OR4D10: variants seen among roughly 807,000 people sequenced by gnomAD.
OR4D10 encodes the protein olfactory receptor family 4 subfamily D member 10.
For missense variants in OR4D10, 395 were observed against 378.0 expected (o/e 1.04, Z -0.37); for synonymous variants, 188 against 153.2 (o/e 1.23, Z -1.68).
Position 59,477,845 on chromosome 11 carries a change from A to C in OR4D10, c.416A>C (p.Asp139Ala). Residue 139 changes from aspartate to alanine, a missense_variant, in exon 3 of 3, where the codon GAC becomes GCC. Asp to Ala is a moderately radical substitution (Grantham distance 126). Transcript: ENST00000530162. ...PLHYATIMSRDHCIGLTVAAW... is the reference protein window; with the variant it reads ...PLHYATIMSRAHCIGLTVAAW... Reference sequence around the variant, plus strand: ...CACTATGCGACTATCATGAGTAGAGACCATTGCATTGGGCTCACAGTGGCT... The same window carrying C: ...CACTATGCGACTATCATGAGTAGAGCCCATTGCATTGGGCTCACAGTGGCT... 3 of 1,613,924 alleles carry C rather than the reference A, an allele frequency of 1.9e-6. No homozygotes were observed. The highest frequency in any genetic ancestry group is 2.5e-6 in the Non-Finnish European group (3 of 1,179,992).
At chr11:59,475,421 T>G (rs558137520) in intron 2 of OR4D10, among the ~76,000 whole-genome samples, 1 of 152,118 alleles carries the variant, frequency 6.6e-6, no homozygotes, top group Non-Finnish European at 1.5e-5. Context: ...TGGAAATTCA[T>G]CTAAATTGAG....
chr11:59,474,316 G>A lies in OR4D10; in HGVS notation c.-169+523G>A, dbSNP rs189959003. 1.3e-4 allele frequency among the ~76,000 whole-genome samples: 20 copies of A among 152,174 alleles called. No homozygotes were observed. In the South Asian group the frequency reaches 1.9e-3, roughly 14 times the overall value. On this transcript the variant is annotated intron_variant, in intron 2 of 2. Coordinates refer to ENST00000530162, the MANE Select transcript of OR4D10 (RefSeq NM_001004705.2). Reference sequence around the variant, plus strand: ...CCAACCAAATCTTCTCTTACAACACGTCTCACTTTTTATCGTGTATCATCT... The same window carrying A: ...CCAACCAAATCTTCTCTTACAACACATCTCACTTTTTATCGTGTATCATCT...
Position 59,477,263 on chromosome 11 carries a change from C to A in OR4D10, c.-167C>A. 2.0e-6 allele frequency: 1 copy of A among 497,574 alleles called. No homozygotes were observed. The highest frequency in any genetic ancestry group is 1.9e-5 in the African/African-American group (1 of 51,656). 30.8% of individuals were successfully genotyped at this position (497,574 alleles called of 1,614,324 possible). On this transcript the variant is annotated splice_region_variant and 5_prime_UTR_variant, in exon 3 of 3. Coordinates refer to ENST00000530162, the MANE Select transcript of OR4D10 (RefSeq NM_001004705.2). ...ATGATAATTTGATTTTATCACCAGACTAACTGAAATCTGAAAAACGTGAAC... is the reference window on the plus strand; with the variant it reads ...ATGATAATTTGATTTTATCACCAGAATAACTGAAATCTGAAAAACGTGAAC...
Position 59,478,534 on chromosome 11 carries a change from A to T in OR4D10, c.*169A>T, listed in dbSNP as rs1858936784. On this transcript the variant is annotated 3_prime_UTR_variant, in exon 3 of 3. Coordinates refer to ENST00000530162, the MANE Select transcript of OR4D10 (RefSeq NM_001004705.2). ...CTGATAAGCTTCTGGTCAGGGAGAGATTCACACCTTCTAATTGAAAATAAA... is the reference window on the plus strand; with the variant it reads ...CTGATAAGCTTCTGGTCAGGGAGAGTTTCACACCTTCTAATTGAAAATAAA... 4.3e-6 allele frequency: 2 copies of T among 470,036 alleles called. No individual in the cohort carries two copies. Among genetic ancestry groups the T allele is most frequent in the South Asian group, 5.8e-5 (1 of 17,096 alleles). The allele number at this position is 470,036 out of a possible 1,614,324, so 29.1% of individuals were successfully genotyped here.
rs565578710 is a variant in OR4D10 at position 59,477,805 on chromosome 11, A to G, written c.376A>G (p.Ile126Val). Residue 126 changes from isoleucine (I) to valine (V), a missense_variant, in exon 3 of 3, where the codon ATC (isoleucine) becomes GTC (valine). By Grantham distance (29) the Ile-to-Val change is conservative. Coordinates refer to ENST00000530162, the MANE Select transcript of OR4D10 (RefSeq NM_001004705.2). ...SVMALDRYVA[I>V]SKPLHYATIM... ...GATGGCATTGGATCGATATGTGGCCATCTCCAAGCCCCTGCACTATGCGAC... is the reference window on the plus strand; with the variant it reads ...GATGGCATTGGATCGATATGTGGCCGTCTCCAAGCCCCTGCACTATGCGAC... The G allele has an allele frequency of 1.1e-5, 17 of 1,614,070 alleles. No individual in the cohort carries two copies. In the South Asian group the frequency reaches 1.8e-4, roughly 17 times the overall value.
At chr11:59,474,256 CAG>C (rs1317846869) in intron 2 of OR4D10, among the ~76,000 whole-genome samples, 1 of 152,130 alleles carries the variant, frequency 6.6e-6, no homozygotes, top group African/African-American at 2.4e-5. Flanking sequence ...TTGTTACTGA[CAG>C]AAATGATCAT....
intron 2 of OR4D10, among the ~76,000 whole-genome samples, chr11:59,474,045 A>G (rs999286988): frequency 6.6e-6 from 1 of 152,204 alleles, no homozygotes; most frequent in Non-Finnish European, 1.5e-5. Flanking sequence ...GAACTTGGGG[A>G]AAAAATGAAA....
Position 59,477,868 on chromosome 11 carries a change from G to T in OR4D10, c.439G>T (p.Ala147Ser). 6.2e-7 allele frequency: 1 copy of T among 1,614,078 alleles called. No individual in the cohort carries two copies. Among genetic ancestry groups the T allele is most frequent in the Non-Finnish European group, 8.5e-7 (1 of 1,180,012 alleles). The change falls in exon 3 of 3, where the codon GCT becomes TCT. Residue 147 changes from alanine to serine, a missense_variant. By Grantham distance (99) the Ala-to-Ser change is moderately conservative. Coordinates refer to ENST00000530162, the MANE Select transcript of OR4D10 (RefSeq NM_001004705.2). ...SRDHCIGLTV[A>S]AWLGGFVHSI... ...AGACCATTGCATTGGGCTCACAGTG[G>T]CTGCCTGGTTGGGGGGCTTTGTCCA...
At position 59,477,873 on chromosome 11, in the gene OR4D10, C is replaced by G. The variant is rs376312919; in HGVS notation, c.444C>G (p.Ala148=). The G allele has an allele frequency of 1.2e-6, 2 of 1,613,990 alleles. No individual in the cohort carries two copies. Among genetic ancestry groups the G allele is most frequent in the African/African-American group, 2.7e-5 (2 of 74,896 alleles). Residue 148 remains alanine (A), a synonymous_variant, in exon 3 of 3, where the codon GCC becomes GCG. Coordinates refer to ENST00000530162, the MANE Select transcript of OR4D10 (RefSeq NM_001004705.2). ...ATTGCATTGGGCTCACAGTGGCTGCCTGGTTGGGGGGCTTTGTCCACTCCA... is the reference window on the plus strand; with the variant it reads ...ATTGCATTGGGCTCACAGTGGCTGCGTGGTTGGGGGGCTTTGTCCACTCCA... ...RDHCIGLTVA[A]WLGGFVHSIV... is the part of the protein sequence containing the mutation.
In OR4D10 at chr11:59,478,176, G is replaced by T; in HGVS notation, c.747G>T (p.Leu249=). The T allele has an allele frequency of 6.2e-7, 1 of 1,613,940 alleles. No individual in the cohort carries two copies. The highest frequency in any genetic ancestry group is 8.5e-7 in the Non-Finnish European group (1 of 1,179,994). ...TCTSHITVVT[L]HFVPCIYVYA... ...CCTCCCACATCACTGTGGTGACCCT[G>T]CATTTCGTGCCCTGCATCTATGTCT... Residue 249 remains leucine, a synonymous_variant, in exon 3 of 3, where the codon CTG becomes CTT. Transcript: ENST00000530162.
chr11:59,475,572 C>T (rs760515676), intron 2 of OR4D10, among the ~76,000 whole-genome samples: 18 of 152,144 alleles, frequency 1.2e-4, no homozygotes, highest in Admixed American at 6.5e-5. Context: ...TCCATCAGAG[C>T]GAAAATTGCT....
intron 2 of OR4D10, among the ~76,000 whole-genome samples, chr11:59,474,331 G>A (rs754532909): frequency 2.6e-5 from 4 of 152,088 alleles, no homozygotes; most frequent in Admixed American, 6.5e-5. Flanking sequence ...ACTTTTTATC[G>A]TGTATCATCT....
intron 2 of OR4D10, among the ~76,000 whole-genome samples, chr11:59,476,500 C>T (rs1858910112): frequency 6.6e-6 from 1 of 152,216 alleles, no homozygotes; most frequent in Non-Finnish European, 1.5e-5. Flanking sequence ...CCCACTTCAG[C>T]TTCCTAAGTA....
Position 59,478,112 on chromosome 11 carries a change from A to C in OR4D10, c.683A>C (p.Gln228Pro), listed in dbSNP as rs759104478. 1.9e-5 allele frequency: 31 copies of C among 1,614,004 alleles called. No individual in the cohort carries two copies. The highest frequency in any genetic ancestry group is 2.5e-5 in the Non-Finnish European group (30 of 1,180,022). The change falls in exon 3 of 3, where the codon CAG becomes CCG. Residue 228 changes from glutamine to proline, a missense_variant. Gln to Pro is a moderately conservative substitution (Grantham distance 76). Coordinates refer to ENST00000530162, the MANE Select transcript of OR4D10 (RefSeq NM_001004705.2). ...YIVILSLPKS[Q>P]AGEGRRKAIS... ...GTCATATTATCATTACCCAAGTCTCAGGCAGGAGAGGGCAGGAGGAAAGCC... is the reference window on the plus strand; with the variant it reads ...GTCATATTATCATTACCCAAGTCTCCGGCAGGAGAGGGCAGGAGGAAAGCC...
intron 2 of OR4D10, among the ~76,000 whole-genome samples, chr11:59,475,143 T>C (rs2134558090): frequency 6.6e-6 from 1 of 151,628 alleles, no homozygotes; most frequent in African/African-American, 2.4e-5. Context: ...CAGGCTTTCC[T>C]ATCCTGATTA....
intron 2 of OR4D10, among the ~76,000 whole-genome samples, chr11:59,476,024 A>G (rs747436246): frequency 1.3e-4 from 20 of 152,330 alleles, no homozygotes; most frequent in Admixed American, 5.9e-4. Flanking sequence ...GGTAAACAGA[A>G]TCACATCCTA....
At chr11:59,477,176 C>T (rs1196223761) in intron 2 of OR4D10, 86 bp from the exon 3 acceptor site, 1 of 380,676 alleles carries the variant, frequency 2.6e-6, no homozygotes. Flanking sequence ...TATGTCACTA[C>T]TTAACATATT....
At chr11:59,477,143 G>A (rs1050492787) in intron 2 of OR4D10, 119 bp from the exon 3 acceptor site, 4 of 287,296 alleles carry the variant, frequency 1.4e-5, no homozygotes, top group Non-Finnish European at 1.9e-5. Context: ...TTAAATATGG[G>A]TAATTGATTT....
At chr11:59,475,726 A>G (rs995765569) in intron 2 of OR4D10, among the ~76,000 whole-genome samples, 12 of 152,178 alleles carry the variant, frequency 7.9e-5, no homozygotes, top group African/African-American at 2.4e-4. Context: ...CCTAATAAAT[A>G]GAGGGTCAGG....
Sources: gnomAD v4.1 joint callset for allele counts (sites outside exome capture counted in the v4.1 genomes callset) on GRCh38, gnomAD v4.1.1 for gene constraint, MANE v1.5 for transcripts, NCBI Gene and HGNC (gene_info 2026-07-23, HGNC 2026-07-21) for gene names.